Variants in TBC1D13 observed in about 807,000 individuals in gnomAD.
The protein encoded by TBC1D13 is epididymis secretory sperm binding protein.
In TBC1D13, 40 loss-of-function variants were observed where a neutral mutation model predicts 53.6. That is an observed-to-expected ratio of 0.75 (90% CI 0.58 to 0.97). The LOEUF is 0.97. TBC1D13 is among the 50% of genes least tolerant of loss of function. TBC1D13 has a pLI of 0.00. For synonymous variants in TBC1D13, 182 were observed against 197.7 expected, an observed-to-expected ratio of 0.92 and a Z score of 0.67; for missense variants, 377 against 499.4, an observed-to-expected ratio of 0.75 and a Z score of 2.34.
intron 7 of TBC1D13, among the ~76,000 whole-genome samples, chr9:128,799,634 G>T (rs1474247800): frequency 6.6e-6 from 1 of 152,182 alleles, no homozygotes; most frequent in East Asian, 1.9e-4. Flanking sequence ...CTGAGCCTCA[G>T]TTTCCTCATC....
chr9:128,788,057 T>C (rs1829462042), intron 1 of TBC1D13, among the ~76,000 whole-genome samples: 1 of 152,196 alleles, frequency 6.6e-6, no homozygotes, highest in Non-Finnish European at 1.5e-5. Flanking sequence ...ATATGTCTAA[T>C]TTTATGGTCC....
intron 10 of TBC1D13, 71 bp downstream of exon 10, chr9:128,806,090 C>T (rs940732371): frequency 1.8e-5 from 29 of 1,586,468 alleles, no homozygotes; most frequent in Middle Eastern, 3.4e-4. Flanking sequence ...GAGGACCCTC[C>T]GCCCCGAAGG....
Position 128,791,712 on chromosome 9 carries a change from C to T in TBC1D13, c.300+19C>T, listed in dbSNP as rs77900447. ...GGACCATGTGAGTAGAGGTTGACAG[C>T]GGAGACCCAGGATACAGAATGTGGA... On this transcript the variant is annotated intron_variant, in intron 5 of 11. Coordinates refer to ENST00000372648, the MANE Select transcript of TBC1D13 (RefSeq NM_018201.5). The T allele has an allele frequency of 2.6e-5, 41 of 1,607,558 alleles. No homozygotes were observed. The highest frequency in any genetic ancestry group is 2.1e-4 in the South Asian group (19 of 90,892).
chr9:128,801,487 G>A (rs1409702867), intron 7 of TBC1D13, among the ~76,000 whole-genome samples: 1 of 152,026 alleles, frequency 6.6e-6, no homozygotes, highest in African/African-American at 2.4e-5. Context: ...AGACCATACT[G>A]GCCAACATGG....
Position 128,809,587 on chromosome 9 carries a change from A to G in TBC1D13, c.*1708A>G, listed in dbSNP as rs975899706. ...GCACAGTATTTGGGAGACTTTGACTATTTATTCAGACTCCTGGCTATGTAT... is the reference window on the plus strand; with the variant it reads ...GCACAGTATTTGGGAGACTTTGACTGTTTATTCAGACTCCTGGCTATGTAT... On this transcript the variant is annotated 3_prime_UTR_variant, in exon 12 of 12. Coordinates refer to ENST00000372648, the MANE Select transcript of TBC1D13 (RefSeq NM_018201.5). The G allele has an allele frequency of 1.3e-5, 2 of 152,156 alleles. No homozygotes were observed. The highest frequency in any genetic ancestry group is 1.9e-4 in the East Asian group (1 of 5,194). 9.4% of individuals were successfully genotyped at this position (152,156 alleles called of 1,614,324 possible).
intron 7 of TBC1D13, 52 bp downstream of exon 7, chr9:128,797,266 C>G (rs779453929): frequency 6.3e-7 from 1 of 1,589,134 alleles, no homozygotes; most frequent in African/African-American, 1.3e-5. Flanking sequence ...ATTTTCTTTC[C>G]TTTTTCTCTT....
rs1297525782 is a variant in TBC1D13, at chr9:128,791,448, C to A, written c.200+7C>A. On this transcript the variant is annotated splice_region_variant and intron_variant, in intron 4 of 11. Transcript: ENST00000372648. ...CCATCCTGGCCAAGCAGAGGTGAGA[C>A]CCCGTGTAAGGGCAGTGACAGGAGG... The A allele has an allele frequency of 6.2e-7, 1 of 1,614,084 alleles. No homozygotes were observed.
chr9:128,808,603 C>T lies in TBC1D13; in HGVS notation c.*724C>T, dbSNP rs1829889154. 6.5e-6 allele frequency: 1 copy of T among 153,204 alleles called. No individual in the cohort carries two copies. The highest frequency in any genetic ancestry group is 1.5e-5 in the Non-Finnish European group (1 of 68,904). The allele number at this position is 153,204 out of a possible 1,614,324, so 9.5% of individuals were successfully genotyped here. On this transcript the variant is annotated 3_prime_UTR_variant, in exon 12 of 12. Coordinates refer to ENST00000372648, the MANE Select transcript of TBC1D13 (RefSeq NM_018201.5). Reference sequence around the variant, plus strand: ...TCTCTCCATTACTCTCCCTGCCCTTCTCTGTTGGGGTGCCTTATCCTGAGC... The same window carrying T: ...TCTCTCCATTACTCTCCCTGCCCTTTTCTGTTGGGGTGCCTTATCCTGAGC...
rs77554706 is a variant in TBC1D13, at chr9:128,797,284, T to G, written c.543+70T>G. 3,728 of 1,532,042 alleles carry G rather than the reference T, an allele frequency of 2.4e-3. 89 individuals carry two copies. In the African/African-American group the frequency reaches 0.045, roughly 19 times the overall value. The allele number at this position is 1,532,042 out of a possible 1,614,324, so 94.9% of individuals were successfully genotyped here. On this transcript the variant is annotated intron_variant, in intron 7 of 11. Transcript: ENST00000372648. The stretch of plus-strand genomic sequence containing the variant: ...TTCTTTCCTTTTTCTCTTAAACTCC[T>G]GGCCACAAGGTGTCGGGCCATGACC...
intron 6 of TBC1D13, among the ~76,000 whole-genome samples, chr9:128,794,721 C>T (rs1003053908): frequency 6.6e-6 from 1 of 151,430 alleles, no homozygotes; most frequent in Non-Finnish European, 1.5e-5. Flanking sequence ...GTGATCCACC[C>T]GCTTCAGCCT....
chr9:128,796,905 C>T (rs1259581260), intron 6 of TBC1D13, 150 bp from the exon 7 acceptor site: 1 of 799,610 alleles, frequency 1.3e-6, no homozygotes, highest in African/African-American at 1.7e-5. Context: ...CACTGCACTT[C>T]AGCCTGGGCG....
At chr9:128,790,923 G>T in intron 3 of TBC1D13, 148 bp downstream of exon 3, 2 of 756,906 alleles carry the variant, frequency 2.6e-6, no homozygotes. Context: ...TGGGTTTTCT[G>T]TTCCTCTTGG....
Position 128,787,276 on chromosome 9 carries a change from GGGCGGC to G in TBC1D13, c.-65_-60del. 1.6e-6 allele frequency: 2 copies of G among 1,242,108 alleles called. No homozygotes were observed. The highest frequency in any genetic ancestry group is 2.0e-6 in the Non-Finnish European group (2 of 983,122). 76.9% of individuals were successfully genotyped at this position (1,242,108 alleles called of 1,614,324 possible). A position where few individuals can be genotyped will look rare whatever the true frequency, so the allele number is the denominator to read the frequency against. ...TTGCGCAGAGCCCCGCGTCCCTGGG[GGGCGGC>G]GGCGGCGGCGGCAGCGCAGGCGGCA... On this transcript the variant is annotated 5_prime_UTR_variant, in exon 1 of 12. Transcript: ENST00000372648.
At chr9:128,803,528 C>A in intron 8 of TBC1D13, 68 bp downstream of exon 8, 1 of 1,450,734 alleles carries the variant, frequency 6.9e-7, no homozygotes. Flanking sequence ...CTCACTTTCC[C>A]TCTCGGGCCT....
intron 7 of TBC1D13, among the ~76,000 whole-genome samples, chr9:128,798,376 G>T (rs553417038): frequency 1.3e-5 from 2 of 152,212 alleles, no homozygotes; most frequent in African/African-American, 4.8e-5. Context: ...AGCAGAGAGC[G>T]AGTGAAGAGG....
chr9:128,806,114 C>T (rs1294406495), intron 10 of TBC1D13, 95 bp downstream of exon 10: 6 of 1,582,926 alleles, frequency 3.8e-6, no homozygotes, highest in Middle Eastern at 3.3e-4. Flanking sequence ...GGCAGGGCTG[C>T]TCTTTCATGG....
At position 128,808,073 on chromosome 9, in the gene TBC1D13, G is replaced by A; in HGVS notation, c.*194G>A. On this transcript the variant is annotated 3_prime_UTR_variant, in exon 12 of 12. Transcript: ENST00000372648. ...CCACGCCCAGCTCCCCACCTGCCCT[G>A]CACTCTGCCCTCTTTGCCCAGGATA... 1 of 604,058 alleles carries A rather than the reference G, an allele frequency of 1.7e-6. No individual in the cohort carries two copies. Among genetic ancestry groups the A allele is most frequent in the Non-Finnish European group, 3.0e-6 (1 of 334,292 alleles). 37.4% of individuals were successfully genotyped at this position (604,058 alleles called of 1,614,324 possible). A position where few individuals can be genotyped will look rare whatever the true frequency, so the allele number is the denominator to read the frequency against.
intron 7 of TBC1D13, among the ~76,000 whole-genome samples, chr9:128,801,429 C>A (rs1373971725): frequency 6.6e-6 from 1 of 152,046 alleles, no homozygotes; most frequent in African/African-American, 2.4e-5. Context: ...CCTGTAATCC[C>A]AGCACTTTGG....
chr9:128,806,268 A>G lies in TBC1D13; in HGVS notation c.1094A>G (p.Gln365Arg), dbSNP rs779078640. 3 of 1,614,162 alleles carry G rather than the reference A, an allele frequency of 1.9e-6. No homozygotes were observed. The South Asian group carries it at 3.3e-5, about 18-fold the overall frequency. The change falls in exon 11 of 12, where the codon CAG becomes CGG. Residue 365 changes from glutamine to arginine, a missense_variant. Transcript: ENST00000372648. ...CCAMLMLIRE[Q>R]LLEGDFTVNM... is the part of the protein sequence containing the mutation. ...GCTTTTCATAGGCTGATCCGGGAGCAGTTGCTGGAAGGGGACTTCACTGTG... is the reference window on the plus strand; with the variant it reads ...GCTTTTCATAGGCTGATCCGGGAGCGGTTGCTGGAAGGGGACTTCACTGTG...
Sources: gnomAD v4.1 joint callset for allele counts (sites outside exome capture counted in the v4.1 genomes callset) on GRCh38, gnomAD v4.1.1 for gene constraint, MANE v1.5 for transcripts, NCBI Gene and HGNC (gene_info 2026-07-23, HGNC 2026-07-21) for gene names.